KCNK13: variants seen among roughly 807,000 people sequenced by gnomAD.
KCNK13 encodes potassium two pore domain channel subfamily K member 13.
In KCNK13, 12 loss-of-function variants were observed where a neutral mutation model predicts 23.4. The observed-to-expected ratio is 0.51, with a 90% CI of 0.33 to 0.83. KCNK13 has a LOEUF of 0.83. Among genes scored for constraint, KCNK13 ranks in the 40% least tolerant of loss-of-function variants. KCNK13 has a pLI of 0.02. For synonymous variants in KCNK13, 231 were observed against 229.5 expected, an observed-to-expected ratio of 1.01 and a Z score of -0.06; for missense variants, 463 against 556.3, an observed-to-expected ratio of 0.83 and a Z score of 1.69.
Position 90,184,954 on chromosome 14 carries a change from C to T in KCNK13, c.1178C>T (p.Ala393Val). 6.2e-7 allele frequency: 1 copy of T among 1,610,168 alleles called. No homozygotes were observed. The change falls in exon 2 of 2, where the codon GCC becomes GTC. Residue 393 changes from alanine to valine, a missense_variant. By Grantham distance (64) the Ala-to-Val change is moderately conservative (BLOSUM62 0). Transcript: ENST00000282146. The surrounding 1 kb of genome is among the most constrained non-coding windows in gnomAD (Gnocchi z 5.6). ...RDNEFSGGVGAFAIMNNRLAE... is the reference protein window; with the variant it reads ...RDNEFSGGVGVFAIMNNRLAE... ...AATGAATTCTCAGGGGGGGTGGGAG[C>T]CTTTGCAATCATGAACAACAGGTTG...
chr14:90,135,943 A>G (rs1393918699), intron 1 of KCNK13, among the ~76,000 whole-genome samples: 2 of 152,086 alleles, frequency 1.3e-5, no homozygotes, highest in African/African-American at 4.8e-5. Context: ...CTTCTCGGGC[A>G]TAAAGAAAAC....
chr14:90,084,150 T>C (rs1335077134), intron 1 of KCNK13, among the ~76,000 whole-genome samples: 2 of 152,228 alleles, frequency 1.3e-5, no homozygotes, highest in Non-Finnish European at 2.9e-5. Context: ...GTTTTGGCTA[T>C]TCTGGGTCCC....
intron 1 of KCNK13, among the ~76,000 whole-genome samples, chr14:90,183,638 G>C (rs1311809118): frequency 6.6e-6 from 1 of 152,166 alleles, no homozygotes; most frequent in Non-Finnish European, 1.5e-5. Flanking sequence ...CTTTTCCACA[G>C]TTCTATCCCC....
At chr14:90,163,309 G>A (rs1018742449) in intron 1 of KCNK13, among the ~76,000 whole-genome samples, 2 of 152,318 alleles carry the variant, frequency 1.3e-5, no homozygotes, top group Admixed American at 6.5e-5. Flanking sequence ...ATTCATTTTA[G>A]AGCCTATTTT....
intron 1 of KCNK13, among the ~76,000 whole-genome samples, chr14:90,147,660 A>G (rs554745128): frequency 4.6e-5 from 7 of 152,182 alleles, no homozygotes; most frequent in South Asian, 4.1e-4. Flanking sequence ...TATATCTCTC[A>G]TCTCTGTCCA....
chr14:90,095,283 A>G (rs1889397609), intron 1 of KCNK13, among the ~76,000 whole-genome samples: 1 of 152,146 alleles, frequency 6.6e-6, no homozygotes, highest in South Asian at 2.1e-4. Context: ...GCTCTTTCTA[A>G]CAGGGGTGCA....
intron 1 of KCNK13, among the ~76,000 whole-genome samples, chr14:90,130,762 C>T (rs148792347): frequency 1.7e-3 from 261 of 152,072 alleles, no homozygotes; most frequent in African/African-American, 6.0e-3. Context: ...TGTGGTGAGC[C>T]GAGATCGCAC....
intron 1 of KCNK13, among the ~76,000 whole-genome samples, chr14:90,150,678 T>C (rs1890125206): frequency 6.6e-6 from 1 of 152,210 alleles, no homozygotes; most frequent in African/African-American, 2.4e-5. Flanking sequence ...CAGAGTGATA[T>C]GGTTTGAATT....
At chr14:90,162,409 A>G (rs1308259776) in intron 1 of KCNK13, among the ~76,000 whole-genome samples, 2 of 152,218 alleles carry the variant, frequency 1.3e-5, no homozygotes, top group Non-Finnish European at 2.9e-5. Context: ...CAAGTCCAAC[A>G]GGGGAAAAGG....
chr14:90,128,994 T>TG (rs1889836263), intron 1 of KCNK13, among the ~76,000 whole-genome samples: 1 of 152,134 alleles, frequency 6.6e-6, no homozygotes, highest in Non-Finnish European at 1.5e-5. Context: ...AACTGGGTAA[T>TG]TATCATTCTT....
intron 1 of KCNK13, among the ~76,000 whole-genome samples, chr14:90,169,790 A>G (rs980953259): frequency 1.3e-5 from 2 of 151,916 alleles, no homozygotes; most frequent in African/African-American, 4.8e-5. Context: ...GACTCTCATC[A>G]CCACTCTGGC....
intron 1 of KCNK13, among the ~76,000 whole-genome samples, chr14:90,135,546 C>T (rs968943664): frequency 5.3e-5 from 8 of 152,176 alleles, no homozygotes; most frequent in African/African-American, 1.2e-4. Flanking sequence ...CTGCCTTCCT[C>T]GCCATATGGC....
intron 1 of KCNK13, among the ~76,000 whole-genome samples, chr14:90,126,510 C>T (rs1469095545): frequency 6.8e-6 from 1 of 146,086 alleles, no homozygotes; most frequent in Admixed American, 7.1e-5. Context: ...GGCCTTCTTT[C>T]CCAAAACCCA....
chr14:90,092,218 A>G (rs1336973618), intron 1 of KCNK13, among the ~76,000 whole-genome samples: 2 of 152,172 alleles, frequency 1.3e-5, no homozygotes, highest in South Asian at 4.2e-4. Flanking sequence ...CACCGCACCC[A>G]GCCGGGAGCT....
intron 1 of KCNK13, among the ~76,000 whole-genome samples, chr14:90,095,654 C>T (rs1566950625): frequency 1.3e-5 from 2 of 151,644 alleles, no homozygotes; most frequent in Non-Finnish European, 2.9e-5. Flanking sequence ...CAGTCAACAA[C>T]GATCAACACA....
At chr14:90,147,610 C>A (rs1409655341) in intron 1 of KCNK13, among the ~76,000 whole-genome samples, 1 of 152,062 alleles carries the variant, frequency 6.6e-6, no homozygotes, top group Admixed American at 6.6e-5. Flanking sequence ...AAAGTTATTA[C>A]AATATTTTCC....
intron 1 of KCNK13, among the ~76,000 whole-genome samples, chr14:90,146,161 C>T (rs184833294): frequency 3.9e-5 from 6 of 152,240 alleles, no homozygotes; most frequent in Admixed American, 3.9e-4. Context: ...GGTGCATAAA[C>T]ATTTAGAATT....
intron 1 of KCNK13, among the ~76,000 whole-genome samples, chr14:90,086,246 T>C (rs906972235): frequency 6.6e-6 from 1 of 152,186 alleles, no homozygotes; most frequent in Non-Finnish European, 1.5e-5. Flanking sequence ...TGCTAACATA[T>C]ACTATATTTT....
chr14:90,098,934 C>T (rs1382104256), intron 1 of KCNK13, among the ~76,000 whole-genome samples: 11 of 151,924 alleles, frequency 7.2e-5, no homozygotes, highest in Admixed American at 5.9e-4. Context: ...AAAAATTAGC[C>T]GGGCGTGATG....
Sources: allele counts gnomAD v4.1 joint callset (sites outside exome capture counted in the v4.1 genomes callset), GRCh38; gene constraint gnomAD v4.1.1; non-coding constraint Gnocchi (gnomAD v3.1); transcripts MANE v1.5; gene names NCBI Gene and HGNC (gene_info 2026-07-23, HGNC 2026-07-21).